Variants in PCDHA12 observed in about 807,000 individuals in gnomAD.
PCDHA12 encodes protocadherin alpha 12, also known as protocadherin alpha-12.
Under a neutral mutation model 60.0 loss-of-function variants are expected in PCDHA12, and 44 were observed. The ratio of observed to expected loss-of-function variants is 0.73; its 90% CI spans 0.58 to 0.94. PCDHA12 has a LOEUF of 0.94. Ranked by LOEUF, PCDHA12 falls within the 40% of genes least tolerant of loss-of-function variation. The pLI, the probability that PCDHA12 is intolerant of heterozygous loss-of-function variation, is 0.00. For missense variants in PCDHA12, 1,276 were observed against 1,239.7 expected (o/e 1.03, Z -0.44); for synonymous variants, 569 against 553.0 (o/e 1.03, Z -0.40).
At chr5:140,975,130 G>C (rs1445050521) in intron 1 of PCDHA12, among the ~76,000 whole-genome samples, 1 of 152,082 alleles carries the variant, frequency 6.6e-6, no homozygotes, top group Non-Finnish European at 1.5e-5. Flanking sequence ...CTTACTATTG[G>C]CCTGGGGTCA....
Position 140,883,352 on chromosome 5 carries a change from G to A in PCDHA12, c.2367+5513G>A, listed in dbSNP as rs1554177776. ...TTCTTTGTCACTCCCCATCAGAGAA[G>A]ACACTCAGCCTAGCGCCATTATTGC... is the stretch of plus-strand genomic sequence containing the variant. On this transcript the variant is annotated intron_variant, in intron 1 of 3. Coordinates refer to ENST00000398631, the MANE Select transcript of PCDHA12 (RefSeq NM_018903.4). The A allele has an allele frequency of 1.9e-6, 3 of 1,614,164 alleles. No homozygotes were observed. In the East Asian group the frequency reaches 6.7e-5, roughly 36 times the overall value.
chr5:141,007,915 A>G (rs561873534), intron 3 of PCDHA12, among the ~76,000 whole-genome samples: 5 of 152,308 alleles, frequency 3.3e-5, no homozygotes, highest in South Asian at 2.1e-4. Flanking sequence ...TGAAGATGCT[A>G]TATAAGCTGG....
At chr5:141,003,052 A>G (rs782531629) in intron 3 of PCDHA12, among the ~76,000 whole-genome samples, 17 of 152,230 alleles carry the variant, frequency 1.1e-4, no homozygotes, top group Non-Finnish European at 1.9e-4. Context: ...CCTTAACAGA[A>G]CAGTTCCAAA....
At chr5:140,881,638 A>G (rs1237929257) in intron 1 of PCDHA12, among the ~76,000 whole-genome samples, 1 of 152,214 alleles carries the variant, frequency 6.6e-6, no homozygotes, top group Non-Finnish European at 1.5e-5. Context: ...TCAGTTACCA[A>G]TATTTTTCAC....
chr5:140,881,269 GAAGT>G (rs1235494766), intron 1 of PCDHA12: 1 of 648,656 alleles, frequency 1.5e-6, no homozygotes, highest in African/African-American at 2.0e-5. Context: ...CAGTGATGAT[GAAGT>G]AAGATGGAGA....
At chr5:140,920,133 C>T (rs1463322279) in intron 1 of PCDHA12, among the ~76,000 whole-genome samples, 1 of 152,178 alleles carries the variant, frequency 6.6e-6, no homozygotes, top group African/African-American at 2.4e-5. Flanking sequence ...AGTTTTAATT[C>T]TCCTCTCCAA....
At chr5:140,918,042 A>C (rs1363704503) in intron 1 of PCDHA12, among the ~76,000 whole-genome samples, 1 of 152,088 alleles carries the variant, frequency 6.6e-6, no homozygotes, top group African/African-American at 2.4e-5. Flanking sequence ...AGGTCTTTCC[A>C]TTTGTTTTAT....
chr5:141,011,084 C>A lies in PCDHA12; in HGVS notation c.*1147C>A, dbSNP rs928216799. Reference sequence around the variant, plus strand: ...CATGTATTACTAAATAAAATGATCTCTCTTTCTCTCTCTCTCTCTCTTTTC... The same window carrying A: ...CATGTATTACTAAATAAAATGATCTATCTTTCTCTCTCTCTCTCTCTTTTC... On this transcript the variant is annotated 3_prime_UTR_variant, in exon 4 of 4. Transcript: ENST00000398631. 1.3e-5 allele frequency: 2 copies of A among 153,722 alleles called. No individual in the cohort carries two copies. The highest frequency in any genetic ancestry group is 2.9e-5 in the Non-Finnish European group (2 of 68,048). The allele number at this position is 153,722 out of a possible 1,614,324, so 9.5% of individuals were successfully genotyped here.
chr5:140,925,397 C>T (rs2082477792), intron 1 of PCDHA12, among the ~76,000 whole-genome samples: 1 of 152,048 alleles, frequency 6.6e-6, no homozygotes, highest in African/African-American at 2.4e-5. Flanking sequence ...TTTGGCTCGC[C>T]TCCTTCTTAG....
chr5:140,882,705 G>T, intron 1 of PCDHA12: 1 of 1,614,172 alleles, frequency 6.2e-7, no homozygotes, highest in South Asian at 1.1e-5. Flanking sequence ...GCAGAATCTA[G>T]ACCTCCGGAA....
At position 140,984,581 on chromosome 5, in the gene PCDHA12, C is replaced by T. The variant is rs141574202; in HGVS notation, c.2515+2018C>T. ...TCCAACTACTCCATGGCAACCTAAT[C>T]ATACTTTTCAATACATACCTCTGCA... On this transcript the variant is annotated intron_variant, in intron 3 of 3. Transcript: ENST00000398631. 4.4e-3 allele frequency among the ~76,000 whole-genome samples: 664 copies of T among 152,272 alleles called. 7 individuals carry two copies. The highest frequency in any genetic ancestry group is 0.013 in the African/African-American group (558 of 41,552).
intron 1 of PCDHA12, among the ~76,000 whole-genome samples, chr5:140,961,654 T>G (rs1554225528): frequency 6.6e-6 from 1 of 152,194 alleles, no homozygotes; most frequent in East Asian, 1.9e-4. Context: ...TGTGGTTAGT[T>G]TGAAGTTACC....
At chr5:140,913,451 T>G (rs1201347326) in intron 1 of PCDHA12, among the ~76,000 whole-genome samples, 1 of 152,160 alleles carries the variant, frequency 6.6e-6, no homozygotes, top group East Asian at 1.9e-4. Context: ...CAGCTCCGAT[T>G]TTATTTACTT....
At chr5:140,997,727 C>G (rs2097783097) in intron 3 of PCDHA12, among the ~76,000 whole-genome samples, 1 of 151,244 alleles carries the variant, frequency 6.6e-6, no homozygotes, top group Admixed American at 6.6e-5. Flanking sequence ...TACGTCAGTA[C>G]ATATAGATTT....
intron 1 of PCDHA12, among the ~76,000 whole-genome samples, chr5:140,918,473 T>A (rs1385942505): frequency 6.6e-6 from 1 of 152,166 alleles, no homozygotes; most frequent in African/African-American, 2.4e-5. Context: ...ATTCCAAGTC[T>A]CAAGGGGAAT....
chr5:140,896,536 CTT>C (rs34213614), intron 1 of PCDHA12, among the ~76,000 whole-genome samples: 1 of 145,640 alleles, frequency 6.9e-6, no homozygotes. Flanking sequence ...AGCTATTTTT[CTT>C]TTTTTTTTTT....
At chr5:140,929,036 C>T in intron 1 of PCDHA12, 1 of 1,614,178 alleles carries the variant, frequency 6.2e-7, no homozygotes, top group Non-Finnish European at 8.5e-7. Flanking sequence ...GGCTGTTGCG[C>T]TCAGAGCTGC....
chr5:140,934,373 T>G (rs1414749100), intron 1 of PCDHA12, among the ~76,000 whole-genome samples: 1 of 152,182 alleles, frequency 6.6e-6, no homozygotes, highest in African/African-American at 2.4e-5. Flanking sequence ...TGACTCCTTC[T>G]GTGGTTCTAT....
rs78257345 is a variant in PCDHA12 at position 140,892,116 on chromosome 5, T to C, written c.2367+14277T>C. Among the ~76,000 whole-genome samples the C allele has an allele frequency of 8.0e-3, 1,216 of 152,346 alleles. 6 individuals are homozygous for C. The highest frequency in any genetic ancestry group is 0.019 in the African/African-American group (786 of 41,576). On this transcript the variant is annotated intron_variant, in intron 1 of 3. Transcript: ENST00000398631. ...AACTTTCAAGCTTGGCATTTATATCTGGAACACAATAAGCTCATGGTTTTA... is the reference window on the plus strand; with the variant it reads ...AACTTTCAAGCTTGGCATTTATATCCGGAACACAATAAGCTCATGGTTTTA...
Sources: gnomAD v4.1 joint callset for allele counts (sites outside exome capture counted in the v4.1 genomes callset) on GRCh38, gnomAD v4.1.1 for gene constraint, MANE v1.5 for transcripts, NCBI Gene and HGNC (gene_info 2026-07-23, HGNC 2026-07-21) for gene names.